Variants in NOBOX observed in about 807,000 individuals in gnomAD.
NOBOX encodes the protein homeobox protein NOBOX.
In NOBOX, 46 loss-of-function variants were observed where a neutral mutation model predicts 60.2. The ratio of observed to expected loss-of-function variants is 0.76; its 90% confidence interval spans 0.60 to 0.98. The LOEUF (loss-of-function observed/expected upper bound fraction) is 0.98. Among genes scored for constraint, NOBOX ranks in the 50% least tolerant of loss-of-function variants. The pLI is 0.00. For synonymous variants in NOBOX, 360 were observed against 346.3 expected (o/e 1.04, Z -0.44); for missense variants, 880 against 865.5 (o/e 1.02, Z -0.21).
rs1225263804 is a variant in NOBOX, at chr7:144,399,165, C to G, written c.1254G>C (p.Leu418=). The change falls in exon 8 of 10, where the codon CTG becomes CTC. Residue 418 remains leucine, a synonymous_variant. Transcript: ENST00000467773. ...GGGCCAAAGTCTGGTCAGAAGTCAG[C>G]AGCATGGGGGGCTCTAGGAACAGAA... 1 of 1,552,144 alleles carries G rather than the reference C, an allele frequency of 6.4e-7. No homozygotes were observed. Among genetic ancestry groups the G allele is most frequent in the East Asian group, 2.3e-5 (1 of 44,352 alleles).
At chr7:144,402,792 C>G (rs1020817795) in intron 2 of NOBOX, among the ~76,000 whole-genome samples, 2 of 137,138 alleles carry the variant, frequency 1.5e-5, no homozygotes, top group Non-Finnish European at 3.0e-5. Flanking sequence ...AGTCTCGCTC[C>G]GTCGCCCAGG....
Position 144,401,924 on chromosome 7 carries a change from A to G in NOBOX, c.237T>C (p.Pro79=), listed in dbSNP as rs1384851081. ...GGGGTATGAGTTTGAGGGACTGTTC[A>G]GGTATCTCTAAGGGATCATGTTGGG... Residue 79 remains proline, a synonymous_variant, in exon 3 of 10, where the codon CCT becomes CCC. Transcript: ENST00000467773. The surrounding 1 kb of genome is among the most constrained non-coding windows in gnomAD (Gnocchi z 4.2). 1.2e-6 allele frequency: 2 copies of G among 1,612,746 alleles called. No homozygotes were observed. Among genetic ancestry groups the G allele is most frequent in the East Asian group, 2.2e-5 (1 of 44,860 alleles).
chr7:144,398,957 CCCAGGACCCACAGGGGCCGT>C lies in NOBOX; in HGVS notation c.1442_1461del (p.Asp481GlyfsTer111). The stretch of plus-strand genomic sequence containing the variant: ...CCCCCGTAGGTTCCTTACCTTGTCC[CCCAGGACCCACAGGGGCCGT>C]CCTTGTGGCTGCTGTCACTGCCAGC... On this transcript the variant is annotated frameshift_variant, in exon 8 of 10. Coordinates refer to ENST00000467773, the MANE Select transcript of NOBOX (RefSeq NM_001080413.3). LOFTEE classifies it high-confidence loss of function. 6.4e-7 allele frequency: 1 copy of C among 1,553,256 alleles called. No homozygotes were observed. The highest frequency in any genetic ancestry group is 8.7e-7 in the Non-Finnish European group (1 of 1,145,164).
At chr7:144,409,388 CA>C (rs1484483779) in intron 1 of NOBOX, among the ~76,000 whole-genome samples, 2 of 152,194 alleles carry the variant, frequency 1.3e-5, no homozygotes, top group African/African-American at 4.8e-5. Flanking sequence ...TGCTATTTCT[CA>C]TCAAACAACA....
intron 2 of NOBOX, among the ~76,000 whole-genome samples, chr7:144,403,161 G>T (rs972457842): frequency 6.6e-6 from 1 of 152,180 alleles, no homozygotes; most frequent in Non-Finnish European, 1.5e-5. Flanking sequence ...TGCATGAGAG[G>T]GTCTGGGCTG....
intron 1 of NOBOX, among the ~76,000 whole-genome samples, chr7:144,409,070 A>G (rs961427631): frequency 2.6e-5 from 4 of 152,212 alleles, no homozygotes; most frequent in African/African-American, 7.2e-5. Context: ...TGAATCTACA[A>G]TTATCTCAAA....
chr7:144,402,773 T>A (rs1203881713), intron 2 of NOBOX, among the ~76,000 whole-genome samples: 1 of 89,326 alleles, frequency 1.1e-5, no homozygotes, highest in African/African-American at 4.5e-5. Flanking sequence ...TTTTTTTTTT[T>A]TGAGATGGAG....
At chr7:144,408,758 A>G (rs1224148209) in intron 1 of NOBOX, among the ~76,000 whole-genome samples, 2 of 152,168 alleles carry the variant, frequency 1.3e-5, no homozygotes, top group African/African-American at 4.8e-5. Flanking sequence ...TCAGTGACAA[A>G]AAGTTGACCA....
intron 4 of NOBOX, 120 bp downstream of exon 2, chr7:144,400,926 C>A: frequency 2.6e-6 from 2 of 770,732 alleles, no homozygotes; most frequent in East Asian, 2.9e-5. Context: ...GAATCCGGGA[C>A]GAAGTGACAT....
Position 144,401,685 on chromosome 7 carries a change from G to A in NOBOX, c.293-88C>T, listed in dbSNP as rs951158353. The A allele has an allele frequency of 8.2e-6, 11 of 1,340,902 alleles. No homozygotes were observed. The highest frequency in any genetic ancestry group is 2.2e-4 in the Middle Eastern group (1 of 4,558). 83.1% of individuals were successfully genotyped at this position (1,340,902 alleles called of 1,614,324 possible). A position where few individuals can be genotyped will look rare whatever the true frequency, so the allele number is the denominator to read the frequency against. On this transcript the variant is annotated intron_variant, in intron 3 of 9. Transcript: ENST00000467773. The surrounding 1 kb of genome is among the most constrained non-coding windows in gnomAD (Gnocchi z 4.2). ...AAGTGCTGCTTCCTGCTTTGCAAAC[G>A]GTTTGATCTTAAGCTTTAATTTGTC... is the stretch of plus-strand genomic sequence containing the variant.
chr7:144,404,047 G>T (rs1252761025), intron 2 of NOBOX, among the ~76,000 whole-genome samples: 1 of 152,110 alleles, frequency 6.6e-6, no homozygotes, highest in African/African-American at 2.4e-5. Flanking sequence ...GGTGGTCTTC[G>T]GGGGGCTGGG....
rs200917107 is a variant in NOBOX, at chr7:144,401,210, C to T, written c.680G>A (p.Arg227His). ...ACAGGGCACTGGGTTGTGTGTGGCA[C>T]GGGCTGAGTTAGGGGCACCCGGAGA... The change falls in exon 4 of 10, where the codon CGT (arginine) becomes CAT (histidine). Residue 227 changes from arginine (R) to histidine (H), a missense_variant. Coordinates refer to ENST00000467773, the MANE Select transcript of NOBOX (RefSeq NM_001080413.3). The surrounding 1 kb of genome is among the most constrained non-coding windows in gnomAD (Gnocchi z 4.2). 95 of 1,613,640 alleles carry T rather than the reference C, an allele frequency of 5.9e-5. No individual in the cohort carries two copies. In the African/African-American group the frequency reaches 6.8e-4, roughly 12 times the overall value.
intron 2 of NOBOX, 53 bp downstream of exon 1, chr7:144,403,602 CCT>C: frequency 1.5e-6 from 1 of 682,356 alleles, no homozygotes; most frequent in Non-Finnish European, 2.7e-6. Flanking sequence ...GGCCTCCCCC[CCT>C]CCCCGAACCC....
Position 144,401,213 on chromosome 7 carries a change from G to A in NOBOX, c.677C>T (p.Ala226Val), listed in dbSNP as rs370027552. The change falls in exon 4 of 10, where the codon GCC becomes GTC. Residue 226 changes from alanine to valine, a missense_variant. By Grantham distance (64) the Ala-to-Val change is moderately conservative (BLOSUM62 0). Transcript: ENST00000467773. The surrounding 1 kb of genome is among the most constrained non-coding windows in gnomAD (Gnocchi z 4.2). ...GGGCACTGGGTTGTGTGTGGCACGG[G>A]CTGAGTTAGGGGCACCCGGAGATGA... 1 of 1,613,564 alleles carries A rather than the reference G, an allele frequency of 6.2e-7. No homozygotes were observed. Among genetic ancestry groups the A allele is most frequent in the African/African-American group, 1.3e-5 (1 of 74,914 alleles).
chr7:144,403,469 G>T (rs985648102), intron 2 of NOBOX, among the ~76,000 whole-genome samples, 188 bp downstream of exon 1: 5 of 151,816 alleles, frequency 3.3e-5, no homozygotes, highest in African/African-American at 4.8e-5. Context: ...GGGGAGGGGG[G>T]TTGCAATCCC....
intron 4 of NOBOX, 59 bp from the exon 3 acceptor site, chr7:144,400,371 G>A: frequency 1.4e-6 from 2 of 1,474,610 alleles, no homozygotes; most frequent in East Asian, 2.3e-5. Flanking sequence ...TAGGTGAAGA[G>A]AAAGAGAGGT....
At position 144,399,054 on chromosome 7, in the gene NOBOX, G is replaced by A; in HGVS notation, c.1365C>T (p.Phe455=). Residue 455 remains phenylalanine (F), a synonymous_variant, in exon 8 of 10, where the codon TTC becomes TTT. Coordinates refer to ENST00000467773, the MANE Select transcript of NOBOX (RefSeq NM_001080413.3). ...GGGGGGTGTGGACAGGGCCAAGGGG[G>A]AAAGGAAGATCGGCCCTTCGCACAG... The A allele has an allele frequency of 1.3e-6, 2 of 1,582,692 alleles. No individual in the cohort carries two copies. Among genetic ancestry groups the A allele is most frequent in the Middle Eastern group, 1.7e-4 (1 of 6,012 alleles).
At chr7:144,399,508 T>TA in intron 6 of NOBOX, 26 bp from the exon 5 acceptor site, 1 of 1,534,548 alleles carries the variant, frequency 6.5e-7, no homozygotes, top group Non-Finnish European at 8.9e-7. Flanking sequence ...ATGAAGACTG[T>TA]AGCTTTGGTG....
chr7:144,408,101 T>C (rs1023965932), intron 1 of NOBOX, among the ~76,000 whole-genome samples: 1 of 152,086 alleles, frequency 6.6e-6, no homozygotes, highest in Non-Finnish European at 1.5e-5. Context: ...TCAGGCTTCC[T>C]CTTTGGCCAC....
Sources: gnomAD v4.1 joint callset for allele counts (sites outside exome capture counted in the v4.1 genomes callset) on GRCh38, gnomAD v4.1.1 for gene constraint, Gnocchi (gnomAD v3.1) non-coding constraint, MANE v1.5 for transcripts, NCBI Gene and HGNC (gene_info 2026-07-23, HGNC 2026-07-21) for gene names.